MAPK8IP3: variants seen among roughly 807,000 people sequenced by gnomAD.
MAPK8IP3 encodes C-Jun-amino-terminal kinase-interacting protein 3.
MAPK8IP3 carries 49 observed loss-of-function variants against 157.8 expected under a neutral mutation model. The ratio of observed to expected loss-of-function variants is 0.31; its 90% CI spans 0.25 to 0.39. The LOEUF (loss-of-function observed/expected upper bound fraction) is 0.39. MAPK8IP3 is among the 10% of genes least tolerant of loss of function. The probability of loss-of-function intolerance (pLI) is 1.00; values close to 1 mark genes in which losing one functional copy is unlikely to be tolerated. For synonymous variants in MAPK8IP3, 897 were observed against 777.7 expected (o/e 1.15, Z -2.55); for missense variants, 1,478 against 1,889.4 (o/e 0.78, Z 4.04).
intron 1 of MAPK8IP3, among the ~76,000 whole-genome samples, chr16:1,723,002 AT>A (rs1477392398): frequency 6.7e-6 from 1 of 149,504 alleles, no homozygotes; most frequent in Non-Finnish European, 1.5e-5. Context: ...TGCCTGGCCA[AT>A]TTTTTTTGTT....
intron 1 of MAPK8IP3, among the ~76,000 whole-genome samples, chr16:1,712,776 G>C (rs2037876260): frequency 6.6e-6 from 1 of 152,160 alleles, no homozygotes; most frequent in Non-Finnish European, 1.5e-5. Context: ...CTCCCTCGGG[G>C]TTTATCTGGC....
In MAPK8IP3 at chr16:1,766,270, G is replaced by C. The variant is rs1335059787; in HGVS notation, c.2680G>C (p.Glu894Gln). 1.9e-6 allele frequency: 3 copies of C among 1,612,486 alleles called. No individual in the cohort carries two copies. The highest frequency in any genetic ancestry group is 2.7e-5 in the African/African-American group (2 of 74,946). ...NGKVNPSQST[E>Q]EATEATEVPD... ...GAAGGTCAACCCGTCCCAGTCCACA[G>C]AGGAGGCCACAGAGGCCACGGAGGT... Residue 894 changes from glutamate to glutamine, a missense_variant, in exon 22 of 32, where the codon GAG becomes CAG. Coordinates refer to ENST00000610761, the MANE Select transcript of MAPK8IP3 (RefSeq NM_001318852.2).
chr16:1,738,487 CGT>C (rs1481636035), intron 4 of MAPK8IP3, among the ~76,000 whole-genome samples: 14 of 92,322 alleles, frequency 1.5e-4, no homozygotes, highest in African/African-American at 5.0e-4. Flanking sequence ...TCCGTGTGAG[CGT>C]GTGACCGTCC....
chr16:1,724,814 G>C lies in MAPK8IP3; in HGVS notation c.439+137G>C, dbSNP rs1046229442. 4.2e-6 allele frequency: 5 copies of C among 1,186,714 alleles called. No homozygotes were observed. In the Middle Eastern group the frequency reaches 1.2e-3, roughly 277 times the overall value. The allele number at this position is 1,186,714 out of a possible 1,614,324, so 73.5% of individuals were successfully genotyped here. ...GTGGGAGCCTCAGCCATGTATTCCA[G>C]CTCTTTGTACTGCTGCCTGTTTCTG... On this transcript the variant is annotated intron_variant, in intron 2 of 31. Coordinates refer to ENST00000610761, the MANE Select transcript of MAPK8IP3 (RefSeq NM_001318852.2). This position sits in a 1 kb window ranked among gnomAD's most constrained non-coding sequence, Gnocchi z 4.1.
chr16:1,768,990 C>G lies in MAPK8IP3; in HGVS notation c.*166C>G. ...CCAGCGGGCAGGGAGTGCGGGGATG[C>G]GGATCAGCTGGGAGGAGGAGGGGAG... is the stretch of plus-strand genomic sequence containing the variant. On this transcript the variant is annotated 3_prime_UTR_variant, in exon 32 of 32. Transcript: ENST00000610761. 4 of 757,286 alleles carry G rather than the reference C, an allele frequency of 5.3e-6. No individual in the cohort carries two copies. Among genetic ancestry groups the G allele is most frequent in the Non-Finnish European group, 8.4e-6 (4 of 474,594 alleles). 46.9% of individuals were successfully genotyped at this position (757,286 alleles called of 1,614,324 possible).
rs765554926 is a variant in MAPK8IP3 at position 1,764,385 on chromosome 16, C to T, written c.2206C>T (p.Arg736Cys). 5 of 1,594,794 alleles carry T rather than the reference C, an allele frequency of 3.1e-6. No homozygotes were observed. Among genetic ancestry groups the T allele is most frequent in the African/African-American group, 1.3e-5 (1 of 74,762 alleles). ...GAATGGAGTCAAGCCAGCGCCAGGC[C>T]GCGATCCCCTGACCTGCGACCGCGA... The part of the protein sequence containing the change: ...AGNGVKPAPG[R>C]DPLTCDREGD... Residue 736 changes from arginine to cysteine, a missense_variant, in exon 19 of 32, where the codon CGC becomes TGC. By Grantham distance (180) the Arg-to-Cys change is radical. This residue lies in a region of MAPK8IP3 where 669 missense variants were observed against 759.8 expected (regional missense o/e 0.88). Transcript: ENST00000610761.
At chr16:1,767,400 A>G in intron 26 of MAPK8IP3, 103 bp downstream of exon 26, 5 of 1,525,560 alleles carry the variant, frequency 3.3e-6, no homozygotes, top group Non-Finnish European at 4.5e-6. Flanking sequence ...CGTGGGTCCC[A>G]TCTCCCCTGT....
intron 8 of MAPK8IP3, among the ~76,000 whole-genome samples, chr16:1,750,529 T>A (rs1199083788): frequency 6.6e-6 from 1 of 152,072 alleles, no homozygotes; most frequent in Non-Finnish European, 1.5e-5. Context: ...GTATATTTTT[T>A]AGCTATTTTT....
At chr16:1,734,758 G>A (rs141313425) in intron 4 of MAPK8IP3, among the ~76,000 whole-genome samples, 2 of 152,272 alleles carry the variant, frequency 1.3e-5, no homozygotes, top group South Asian at 2.1e-4. Flanking sequence ...ATTTGAGTCA[G>A]TCCCATCTGC....
In MAPK8IP3 at chr16:1,759,980, T is replaced by A. The variant is rs1219842655; in HGVS notation, c.1269T>A (p.Asn423Lys). Residue 423 changes from asparagine (N) to lysine (K), a missense_variant, in exon 11 of 32, where the codon AAT (asparagine) becomes AAA (lysine). Physicochemically the swap from Asn to Lys is moderately conservative, Grantham distance 94. Coordinates refer to ENST00000610761, the MANE Select transcript of MAPK8IP3 (RefSeq NM_001318852.2). ...CAGGAATGGGCAAAGAAGTGGGGAA[T>A]CTGCTACTGGAAAACTCACAGCTTC... is the stretch of plus-strand genomic sequence containing the variant. ...DFFGMGKEVG[N>K]LLLENSQLLE... The A allele has an allele frequency of 2.5e-6, 4 of 1,614,084 alleles. No homozygotes were observed. Among genetic ancestry groups the A allele is most frequent in the Non-Finnish European group, 3.4e-6 (4 of 1,180,024 alleles).
At chr16:1,752,362 G>A (rs758154371) in intron 8 of MAPK8IP3, 22 of 244,358 alleles carry the variant, frequency 9.0e-5, no homozygotes, top group Non-Finnish European at 1.5e-4. Context: ...TCTGGGCATC[G>A]CCGAGCTCAG....
chr16:1,710,968 G>A lies in MAPK8IP3; in HGVS notation c.318+4311G>A, dbSNP rs938508874. The stretch of plus-strand genomic sequence containing the variant: ...GGTACCTGCCAGCCAGAGAGAACAC[G>A]GGACAGAGGCCGAAGTGGCCCGGAG... On this transcript the variant is annotated intron_variant, in intron 1 of 31. Coordinates refer to ENST00000610761, the MANE Select transcript of MAPK8IP3 (RefSeq NM_001318852.2). This position sits in a 1 kb window ranked among gnomAD's most constrained non-coding sequence, Gnocchi z 4.1. Among the ~76,000 whole-genome samples the A allele has an allele frequency of 4.6e-5, 7 of 152,214 alleles. No individual in the cohort carries two copies. Among genetic ancestry groups the A allele is most frequent in the Admixed American group, 1.3e-4 (2 of 15,290 alleles).
chr16:1,759,106 C>T (rs2041787933), intron 10 of MAPK8IP3, 111 bp downstream of exon 10: 8 of 1,453,496 alleles, frequency 5.5e-6, no homozygotes, highest in African/African-American at 1.4e-5. Context: ...TTGGGGCCGC[C>T]GGGGTCAGGG....
In MAPK8IP3 at chr16:1,748,350, C is replaced by G; in HGVS notation, c.1097+4C>G. ...GCCTGGACCGCACAGGAAGCAGGTA[C>G]TGGCTCAGCCCAGGCCCTGGGGTCC... is the stretch of plus-strand genomic sequence containing the variant. On this transcript the variant is annotated splice_donor_region_variant and intron_variant, in intron 7 of 31. Transcript: ENST00000610761. 1 of 1,612,694 alleles carries G rather than the reference C, an allele frequency of 6.2e-7. No individual in the cohort carries two copies. The highest frequency in any genetic ancestry group is 8.5e-7 in the Non-Finnish European group (1 of 1,179,222).
chr16:1,750,298 C>T (rs551169639), intron 8 of MAPK8IP3, among the ~76,000 whole-genome samples: 1 of 151,676 alleles, frequency 6.6e-6, no homozygotes, highest in African/African-American at 2.4e-5. Flanking sequence ...CTGCAACCTC[C>T]GCCTCCCAGG....
At chr16:1,759,847 T>C (rs1257879771) in intron 10 of MAPK8IP3, 111 bp from the exon 11 acceptor site, 2 of 957,018 alleles carry the variant, frequency 2.1e-6, no homozygotes, top group South Asian at 1.4e-5. Context: ...TCGGGCGTCA[T>C]CCCCAGCCAG....
intron 1 of MAPK8IP3, among the ~76,000 whole-genome samples, chr16:1,714,711 G>A (rs940679166): frequency 3.3e-5 from 5 of 152,068 alleles, no homozygotes; most frequent in African/African-American, 7.2e-5. Flanking sequence ...CCTTGCACAC[G>A]TGTGTCTCTA....
At position 1,762,473 on chromosome 16, in the gene MAPK8IP3, G is replaced by A. The variant is rs1478847674; in HGVS notation, c.1662G>A (p.Glu554=). 2.0e-5 allele frequency: 33 copies of A among 1,611,476 alleles called. No homozygotes were observed. The highest frequency in any genetic ancestry group is 2.8e-5 in the Non-Finnish European group (33 of 1,179,108). The change falls in exon 14 of 32, where the codon GAG becomes GAA. Residue 554 remains glutamate (E), a synonymous_variant. Transcript: ENST00000610761. ...TGCAGGAGGCTGTGCGGTGGACTGAGATGATCAGGTGGGAGTTGCGGCCAC... is the reference window on the plus strand; with the variant it reads ...TGCAGGAGGCTGTGCGGTGGACTGAAATGATCAGGTGGGAGTTGCGGCCAC... ...MELQEAVRWT[E]MIRASREHPS...
intron 10 of MAPK8IP3, among the ~76,000 whole-genome samples, chr16:1,759,296 C>G (rs956629785): frequency 9.8e-5 from 15 of 152,296 alleles, no homozygotes; most frequent in African/African-American, 3.6e-4. Context: ...CAAGGGAGGT[C>G]ATAATAGAGA....
Sources: allele counts gnomAD v4.1 joint callset (sites outside exome capture counted in the v4.1 genomes callset), GRCh38; gene constraint gnomAD v4.1.1; regional missense constraint gnomAD v4.1.1; non-coding constraint Gnocchi (gnomAD v3.1); transcripts MANE v1.5; gene names NCBI Gene and HGNC (gene_info 2026-07-23, HGNC 2026-07-21).